USP3: variants seen among roughly 807,000 people sequenced by gnomAD.
USP3 encodes the protein ubiquitin carboxyl-terminal hydrolase 3.
A neutral mutation model predicts 72.3 loss-of-function variants in USP3; 20 were observed. The ratio of observed to expected loss-of-function variants is 0.28; its 90% CI spans 0.19 to 0.40. The LOEUF (loss-of-function observed/expected upper bound fraction) is 0.40. Ranked by LOEUF, USP3 falls within the 10% of genes least tolerant of loss-of-function variation. The pLI is 1.00. For synonymous variants in USP3, 222 were observed against 225.3 expected (o/e 0.99, Z 0.13); for missense variants, 479 against 633.9 (o/e 0.76, Z 2.62).
chr15:63,576,277 G>A (rs931496138), intron 11 of USP3, among the ~76,000 whole-genome samples: 2 of 152,064 alleles, frequency 1.3e-5, no homozygotes, highest in African/African-American at 4.8e-5. Context: ...ATGAGCCACC[G>A]CACCCAGCCT....
At position 63,559,868 on chromosome 15, in the gene USP3, A is replaced by G; in HGVS notation, c.545A>G (p.Gln182Arg). 1 of 1,613,008 alleles carries G rather than the reference A, an allele frequency of 6.2e-7. No homozygotes were observed. The highest frequency in any genetic ancestry group is 8.5e-7 in the Non-Finnish European group (1 of 1,179,530). The change falls in exon 7 of 15, where the codon CAG (glutamine) becomes CGG (arginine). Residue 182 changes from glutamine to arginine, a missense_variant. Coordinates refer to ENST00000380324, the MANE Select transcript of USP3 (RefSeq NM_006537.4). ...AILQSLSNIEQFCCYFKELPA... is the reference protein window; with the variant it reads ...AILQSLSNIERFCCYFKELPA... ...TCCTTTTAAAATAGTAACATTGAGC[A>G]GTTTTGCTGTTATTTCAAAGAACTG...
chr15:63,559,008 G>T (rs910629669), intron 6 of USP3, among the ~76,000 whole-genome samples: 2 of 152,194 alleles, frequency 1.3e-5, no homozygotes. Context: ...GTTACAGAGA[G>T]CCTTGTTCAG....
intron 8 of USP3, among the ~76,000 whole-genome samples, chr15:63,566,745 G>GT (rs1349774797): frequency 6.6e-6 from 1 of 152,162 alleles, no homozygotes; most frequent in Non-Finnish European, 1.5e-5. Flanking sequence ...TTTTGCTATT[G>GT]TATTTGTGTG....
At chr15:63,558,574 T>TA (rs1314620432) in intron 6 of USP3, among the ~76,000 whole-genome samples, 2 of 149,374 alleles carry the variant, frequency 1.3e-5, no homozygotes, top group East Asian at 3.9e-4. Flanking sequence ...CGCTCTTTAT[T>TA]AAAACAACAC....
intron 1 of USP3, among the ~76,000 whole-genome samples, chr15:63,506,949 A>G (rs1287273335): frequency 6.6e-6 from 1 of 152,190 alleles, no homozygotes; most frequent in Non-Finnish European, 1.5e-5. Context: ...TGTTGATATA[A>G]TCTAGCGTTA....
At chr15:63,547,757 GGAGGGAGAGAGAGAGAGA>G (rs1306145303) in intron 3 of USP3, among the ~76,000 whole-genome samples, 1,146 of 39,626 alleles carry the variant, frequency 0.029, 121 homozygotes, top group African/African-American at 0.1. Context: ...AGGGAGGGAG[GGAGGGAGAGAGAGAGAGA>G]GAGAGAGAGA....
chr15:63,542,710 C>G (rs151172417), intron 3 of USP3, among the ~76,000 whole-genome samples: 7 of 152,070 alleles, frequency 4.6e-5, no homozygotes, highest in Non-Finnish European at 4.4e-5. Context: ...TCTAGTTTGC[C>G]AAAAACCAGA....
In USP3 at chr15:63,544,458, T is replaced by G; in HGVS notation, c.284+7302T>G. The stretch of plus-strand genomic sequence containing the variant: ...TGGATTTCAATCCAAAGTTATTGTT[T>G]TGACTTTAGTAGACTAGTGTTTTGT... On this transcript the variant is annotated intron_variant, in intron 3 of 14. Transcript: ENST00000380324. The surrounding 1 kb of genome is among the most constrained non-coding windows in gnomAD (Gnocchi z 4.2). 2 of 478,742 alleles carry G rather than the reference T, an allele frequency of 4.2e-6. No homozygotes were observed. Among genetic ancestry groups the G allele is most frequent in the Non-Finnish European group, 3.7e-6 (1 of 270,864 alleles). 29.7% of individuals were successfully genotyped at this position (478,742 alleles called of 1,614,324 possible). A position where few individuals can be genotyped will look rare whatever the true frequency, so the allele number is the denominator to read the frequency against.
At chr15:63,562,274 T>A (rs1306168729) in intron 7 of USP3, among the ~76,000 whole-genome samples, 1 of 152,020 alleles carries the variant, frequency 6.6e-6, no homozygotes, top group African/African-American at 2.4e-5. Flanking sequence ...GAGAAGAGTG[T>A]GGATATTGGG....
rs1285951584 is a variant in USP3, at chr15:63,574,595, T to G, written c.1096+192T>G. On this transcript the variant is annotated intron_variant, in intron 11 of 14. Transcript: ENST00000380324. This position sits in a 1 kb window ranked among gnomAD's most constrained non-coding sequence, Gnocchi z 4.6. ...AATAAGAATGTGTGCCATAAGATAT[T>G]GTGTGAAGCATAAAATATTTCTCAC... Among the ~76,000 whole-genome samples, 1 of 152,036 alleles carries G rather than the reference T, an allele frequency of 6.6e-6. No individual in the cohort carries two copies. Among genetic ancestry groups the G allele is most frequent in the East Asian group, 1.9e-4 (1 of 5,204 alleles).
rs1332166577 is a variant in USP3, at chr15:63,544,609, C to T, written c.284+7453C>T. On this transcript the variant is annotated intron_variant, in intron 3 of 14. Transcript: ENST00000380324. This position sits in a 1 kb window ranked among gnomAD's most constrained non-coding sequence, Gnocchi z 4.2. ...TTTTAGGACAAGAAAACGATTGAGC[C>T]ATGCTGTGTGTTTTCATTTTTGGAG... 5.9e-6 allele frequency: 4 copies of T among 680,244 alleles called. No individual in the cohort carries two copies. Among genetic ancestry groups the T allele is most frequent in the Admixed American group, 4.3e-5 (2 of 46,524 alleles). 42.1% of individuals were successfully genotyped at this position (680,244 alleles called of 1,614,324 possible). A position where few individuals can be genotyped will look rare whatever the true frequency, so the allele number is the denominator to read the frequency against.
At chr15:63,535,179 C>T (rs1168317003) in intron 2 of USP3, among the ~76,000 whole-genome samples, 1 of 152,204 alleles carries the variant, frequency 6.6e-6, no homozygotes, top group East Asian at 1.9e-4. Context: ...GATCTGCCTG[C>T]CTTAGCCTCC....
At chr15:63,508,082 ACACCC>A in intron 1 of USP3, among the ~76,000 whole-genome samples, 1 of 152,260 alleles carries the variant, frequency 6.6e-6, no homozygotes, top group Non-Finnish European at 1.5e-5. Flanking sequence ...AGCCTCAGGA[ACACCC>A]CACTGCATGC....
intron 1 of USP3, among the ~76,000 whole-genome samples, chr15:63,523,247 G>T (rs189875056): frequency 3.3e-5 from 5 of 152,320 alleles, no homozygotes; most frequent in Admixed American, 2.0e-4. Flanking sequence ...GCCCTGTGCT[G>T]TGTGCACTTT....
chr15:63,574,448 TGAATA>T lies in USP3; in HGVS notation c.1096+48_1096+52del. Reference sequence around the variant, plus strand: ...CTAAAAATTTTTTTCTTTAAATAATTGAATAGATTGATAAGCTTCATCTATATGTG... The same window carrying T: ...CTAAAAATTTTTTTCTTTAAATAATTGATTGATAAGCTTCATCTATATGTG... On this transcript the variant is annotated intron_variant, in intron 11 of 14. Coordinates refer to ENST00000380324, the MANE Select transcript of USP3 (RefSeq NM_006537.4). This position sits in a 1 kb window ranked among gnomAD's most constrained non-coding sequence, Gnocchi z 4.6. 7.1e-7 allele frequency: 1 copy of T among 1,404,278 alleles called. No homozygotes were observed. Among genetic ancestry groups the T allele is most frequent in the African/African-American group, 1.5e-5 (1 of 68,108 alleles). The allele number at this position is 1,404,278 out of a possible 1,614,324, so 87.0% of individuals were successfully genotyped here.
At chr15:63,521,206 T>G (rs953643219) in intron 1 of USP3, among the ~76,000 whole-genome samples, 1 of 151,684 alleles carries the variant, frequency 6.6e-6, no homozygotes, top group Non-Finnish European at 1.5e-5. Context: ...GGAATTTTCC[T>G]TATTCTCTTT....
At chr15:63,533,953 C>A in intron 2 of USP3, 2 of 948,684 alleles carry the variant, frequency 2.1e-6, no homozygotes, top group African/African-American at 1.8e-5. Flanking sequence ...TTATGTAGTT[C>A]TGTTCTCCAG....
At position 63,590,745 on chromosome 15, in the gene USP3, C is replaced by T. The variant is rs34527287; in HGVS notation, c.1482C>T (p.Asp494=). 8,185 of 1,614,056 alleles carry T rather than the reference C, an allele frequency of 5.1e-3. 245 individuals are homozygous for T. The African/African-American group carries it at 0.073, about 14-fold the overall frequency. Residue 494 remains aspartate, a synonymous_variant, in exon 15 of 15, where the codon GAC becomes GAT. Coordinates refer to ENST00000380324, the MANE Select transcript of USP3 (RefSeq NM_006537.4). ...ATGACAGTACTGTAACACTGACTGA[C>T]GAGGAGACTGTGGTGAAGGCGAAGG... ...HFNDSTVTLT[D]EETVVKAKAY... is the part of the protein sequence containing the mutation.
At chr15:63,537,350 C>T (rs1015803667) in intron 3 of USP3, among the ~76,000 whole-genome samples, 194 bp downstream of exon 3, 18 of 152,156 alleles carry the variant, frequency 1.2e-4, no homozygotes, top group Non-Finnish European at 2.4e-4. Flanking sequence ...TTGTTCCTTT[C>T]AACTTCTAGG....
Sources: allele counts gnomAD v4.1 joint callset (sites outside exome capture counted in the v4.1 genomes callset), GRCh38; gene constraint gnomAD v4.1.1; non-coding constraint Gnocchi (gnomAD v3.1); transcripts MANE v1.5; gene names NCBI Gene and HGNC (gene_info 2026-07-23, HGNC 2026-07-21).